The following PPM1E variants were observed in gnomAD, a reference collection of about 807,000 sequenced individuals.
PPM1E encodes the protein protein phosphatase, Mg2+/Mn2+ dependent 1E, also known as protein phosphatase 1E.
Under a neutral mutation model 65.9 loss-of-function variants are expected in PPM1E, and 20 were observed. The observed-to-expected ratio is 0.30, with a 90% confidence interval of 0.21 to 0.44. PPM1E has a LOEUF of 0.44. PPM1E is among the 20% of genes least tolerant of loss of function. PPM1E has a pLI of 1.00. For synonymous variants in PPM1E, 352 were observed against 374.9 expected (o/e 0.94, Z 0.70); for missense variants, 713 against 953.1 (o/e 0.75, Z 3.32).
At chr17:58,911,120 T>C (rs2051622827) in intron 1 of PPM1E, among the ~76,000 whole-genome samples, 1 of 152,216 alleles carries the variant, frequency 6.6e-6, no homozygotes, top group South Asian at 2.1e-4. Context: ...CTGGAATTGG[T>C]TCCTATGGAG....
At chr17:58,842,531 G>A (rs1002843791) in intron 1 of PPM1E, among the ~76,000 whole-genome samples, 2 of 152,316 alleles carry the variant, frequency 1.3e-5, no homozygotes, top group East Asian at 1.9e-4. Context: ...TTGGCTGGGC[G>A]CAGTGGCTCA....
At chr17:58,756,610 C>A in intron 1 of PPM1E, 149 bp downstream of exon 1, 1 of 1,008,040 alleles carries the variant, frequency 9.9e-7, no homozygotes, top group Middle Eastern at 3.7e-4. Context: ...CCCCGCTGCT[C>A]GGACCCGGGC....
At chr17:58,916,853 A>G (rs1177826141) in intron 1 of PPM1E, among the ~76,000 whole-genome samples, 1 of 152,194 alleles carries the variant, frequency 6.6e-6, no homozygotes. Context: ...GTACTATACA[A>G]ATATGTGGTA....
chr17:58,797,728 A>G (rs560283708), intron 1 of PPM1E, among the ~76,000 whole-genome samples: 47 of 152,246 alleles, frequency 3.1e-4, no homozygotes, highest in African/African-American at 1.1e-3. Context: ...CTAAGGTCCT[A>G]GGAATAGAAA....
chr17:58,956,444 A>AG (rs1255659938), intron 2 of PPM1E, among the ~76,000 whole-genome samples: 3 of 124,136 alleles, frequency 2.4e-5, no homozygotes, highest in African/African-American at 2.9e-5. Context: ...TCAAAAAAAA[A>AG]CAAAAAACAA....
chr17:58,784,924 G>A (rs895929164), intron 1 of PPM1E, among the ~76,000 whole-genome samples: 2 of 152,158 alleles, frequency 1.3e-5, no homozygotes, highest in Non-Finnish European at 2.9e-5. Context: ...TGCTTAGCAA[G>A]TATTTTCTCC....
chr17:58,778,923 C>CAT (rs1287475365), intron 1 of PPM1E, among the ~76,000 whole-genome samples: 1 of 61,776 alleles, frequency 1.6e-5, no homozygotes, highest in Non-Finnish European at 3.2e-5. Flanking sequence ...TGAGATGATA[C>CAT]ATACATATAT....
intron 1 of PPM1E, among the ~76,000 whole-genome samples, chr17:58,930,250 T>TACACACACACACAC (rs377147999): frequency 7.0e-6 from 1 of 143,202 alleles, no homozygotes; most frequent in African/African-American, 2.6e-5. Flanking sequence ...TAAATGTATA[T>TACACACACACACAC]ACACACACAC....
Position 58,980,282 on chromosome 17 carries a change from T to G in PPM1E, c.1519T>G (p.Ser507Ala). Residue 507 changes from serine to alanine, a missense_variant, in exon 7 of 7, where the codon TCT becomes GCT. Physicochemically the swap from Ser to Ala is moderately conservative, Grantham distance 99. Around this residue, in one of 6 missense-constraint regions of PPM1E, gnomAD observed 286 missense variants for 313.8 expected, o/e 0.91. Transcript: ENST00000308249. This position sits in a 1 kb window ranked among gnomAD's most constrained non-coding sequence, Gnocchi z 4.7. ...TGAGGAATCAGATTGGACAGAGAAC[T>G]CTTTTCAAGGAGGGCAAGAAGATGG... ...VSEESDWTEN[S>A]FQGGQEDGGD... The G allele has an allele frequency of 6.2e-7, 1 of 1,614,194 alleles. No individual in the cohort carries two copies. The highest frequency in any genetic ancestry group is 1.1e-5 in the South Asian group (1 of 91,086).
At chr17:58,816,176 C>A (rs1243062665) in intron 1 of PPM1E, among the ~76,000 whole-genome samples, 1 of 151,964 alleles carries the variant, frequency 6.6e-6, no homozygotes, top group Non-Finnish European at 1.5e-5. Context: ...CAGGTGCGTG[C>A]CACCACGCCC....
At chr17:58,881,552 A>C (rs956889919) in intron 1 of PPM1E, among the ~76,000 whole-genome samples, 42 of 152,172 alleles carry the variant, frequency 2.8e-4, no homozygotes, top group African/African-American at 1.0e-3. Flanking sequence ...AATCCCAGCT[A>C]CTTGGGAGGC....
chr17:58,966,006 T>TTC, intron 3 of PPM1E, 113 bp downstream of exon 3: 3 of 1,154,640 alleles, frequency 2.6e-6, no homozygotes, highest in Non-Finnish European at 3.7e-6. Flanking sequence ...CTCTGGTAGA[T>TTC]TAGAGTAGGG....
In PPM1E at chr17:58,872,565, GT is replaced by G. The variant is rs1192901488; in HGVS notation, c.465-83081del. ...TTCAGAAAATATGATAAAATATAGGGTTTATTTAAACACAAAGTATGATCTG... is the reference window on the plus strand; with the variant it reads ...TTCAGAAAATATGATAAAATATAGGGTTATTTAAACACAAAGTATGATCTG... On this transcript the variant is annotated intron_variant, in intron 1 of 6. Transcript: ENST00000308249. Among the ~76,000 whole-genome samples the G allele has an allele frequency of 2.6e-5, 4 of 152,206 alleles. No individual in the cohort carries two copies. In the East Asian group the frequency reaches 7.7e-4, roughly 29 times the overall value.
intron 1 of PPM1E, 99 bp downstream of exon 1, chr17:58,756,560 T>C (rs1598550738): frequency 3.3e-6 from 4 of 1,205,884 alleles, no homozygotes; most frequent in Non-Finnish European, 4.2e-6. Context: ...TCTTTTCTGC[T>C]CCTCTCCCCC....
rs189399304 is a variant in PPM1E at position 58,878,237 on chromosome 17, T to G, written c.465-77412T>G. The stretch of plus-strand genomic sequence containing the variant: ...AATGGCAAATATAGAGTAGATGATC[T>G]TTTTTTTGTTTTTTCTTTTTATGAG... On this transcript the variant is annotated intron_variant, in intron 1 of 6. Coordinates refer to ENST00000308249, the MANE Select transcript of PPM1E (RefSeq NM_014906.5). Among the ~76,000 whole-genome samples the G allele has an allele frequency of 5.9e-5, 9 of 151,936 alleles. No individual in the cohort carries two copies. In the East Asian group the frequency reaches 1.5e-3, roughly 26 times the overall value.
At chr17:58,968,626 A>G (rs187222080) in intron 3 of PPM1E, among the ~76,000 whole-genome samples, 1 of 152,316 alleles carries the variant, frequency 6.6e-6, no homozygotes, top group East Asian at 1.9e-4. Flanking sequence ...CTTGCAAATG[A>G]AAATTATTAC....
At chr17:58,868,378 A>T (rs527398779) in intron 1 of PPM1E, among the ~76,000 whole-genome samples, 174 of 152,128 alleles carry the variant, frequency 1.1e-3, no homozygotes, top group Non-Finnish European at 1.0e-3. Flanking sequence ...TCAAAAAAAA[A>T]TTTTTTTTAA....
In PPM1E at chr17:58,982,531, C is replaced by T; in HGVS notation, c.*1500C>T. 1 of 209,382 alleles carries T rather than the reference C, an allele frequency of 4.8e-6. No individual in the cohort carries two copies. The highest frequency in any genetic ancestry group is 9.7e-6 in the Non-Finnish European group (1 of 103,136). The allele number at this position is 209,382 out of a possible 1,614,324, so 13.0% of individuals were successfully genotyped here. On this transcript the variant is annotated 3_prime_UTR_variant, in exon 7 of 7. Coordinates refer to ENST00000308249, the MANE Select transcript of PPM1E (RefSeq NM_014906.5). ...TGTGTTTATAGGATAGTACACGTTC[C>T]CCAGGCCCATAACAGAGGACTAAAA...
intron 2 of PPM1E, among the ~76,000 whole-genome samples, chr17:58,960,887 A>C (rs2030011768): frequency 6.6e-6 from 1 of 152,124 alleles, no homozygotes; most frequent in Admixed American, 6.6e-5. Context: ...CTATTGAGCA[A>C]CATAAAAAGG....
Sources: allele counts gnomAD v4.1 joint callset (sites outside exome capture counted in the v4.1 genomes callset), GRCh38; gene constraint gnomAD v4.1.1; regional missense constraint gnomAD v4.1.1; non-coding constraint Gnocchi (gnomAD v3.1); transcripts MANE v1.5; gene names NCBI Gene and HGNC (gene_info 2026-07-23, HGNC 2026-07-21).